DNM1L: variants seen among roughly 807,000 people sequenced by gnomAD.
DNM1L encodes dynamin 1L, also known as dynamin-1-like protein.
DNM1L carries 33 observed loss-of-function variants against 92.8 expected under a neutral mutation model. The observed-to-expected ratio is 0.36, with a 90% CI of 0.27 to 0.48. The LOEUF (loss-of-function observed/expected upper bound fraction) is 0.48, where lower values mean the gene tolerates loss of function less well. DNM1L is among the 20% of genes least tolerant of loss of function. The pLI is 0.99. For missense variants in DNM1L, 485 were observed against 888.8 expected (o/e 0.55, Z 5.78); for synonymous variants, 284 against 305.0 (o/e 0.93, Z 0.72).
At chr12:32,720,281 G>A (rs1215887678) in intron 7 of DNM1L, among the ~76,000 whole-genome samples, 1 of 152,106 alleles carries the variant, frequency 6.6e-6, no homozygotes, top group Non-Finnish European at 1.5e-5. Flanking sequence ...GGAGAAATTA[G>A]TTCCCTGTCC....
intron 1 of DNM1L, among the ~76,000 whole-genome samples, chr12:32,690,536 A>G (rs1362338249): frequency 6.6e-6 from 1 of 152,162 alleles, no homozygotes; most frequent in Non-Finnish European, 1.5e-5. Flanking sequence ...AATATTTCCT[A>G]CTTCTACATC....
Position 32,711,989 on chromosome 12 carries a change from C to T in DNM1L, c.456+974C>T, listed in dbSNP as rs1329997171. Among the ~76,000 whole-genome samples, 6 of 152,156 alleles carry T rather than the reference C, an allele frequency of 3.9e-5. No homozygotes were observed. The East Asian group carries it at 1.2e-3, about 29-fold the overall frequency. On this transcript the variant is annotated intron_variant, in intron 5 of 19. Coordinates refer to ENST00000549701, the MANE Select transcript of DNM1L (RefSeq NM_012062.5). ...ACATTCCACTTCCTGCCAGCAAATC[C>T]TCTTGGCTCTTCCTACCTTTACAGT...
intron 6 of DNM1L, among the ~76,000 whole-genome samples, chr12:32,717,500 T>C (rs1953513750): frequency 8.7e-6 from 1 of 114,498 alleles, no homozygotes; most frequent in Non-Finnish European, 1.7e-5. Context: ...ATAGTATATA[T>C]ATATATTTTA....
At chr12:32,737,242 A>G in intron 14 of DNM1L, 81 bp downstream of exon 14, 1 of 1,473,186 alleles carries the variant, frequency 6.8e-7, no homozygotes. Context: ...TCCTAGGAGT[A>G]ATTTTTTCTT....
chr12:32,737,004 T>C, intron 13 of DNM1L, 101 bp from the exon 14 acceptor site: 2 of 1,110,518 alleles, frequency 1.8e-6, no homozygotes, highest in Non-Finnish European at 2.7e-6. Context: ...AGAGGATGTA[T>C]CTGTAAGTTA....
In DNM1L at chr12:32,742,888, CTTTTT is replaced by C. The variant is rs36039451; in HGVS notation, c.2154+161_2154+165del. On this transcript the variant is annotated intron_variant, in intron 19 of 19. Coordinates refer to ENST00000549701, the MANE Select transcript of DNM1L (RefSeq NM_012062.5). ...TTTCCTGTTGGTACTTGATAAGAAT[CTTTTT>C]TTTTTTTTTTTTTTTTTTTTGAGTG... 9.5e-3 allele frequency: 2,349 copies of C among 246,160 alleles called. 2 individuals are homozygous for C. The highest frequency in any genetic ancestry group is 0.02 in the South Asian group (678 of 34,498). 15.2% of individuals were successfully genotyped at this position (246,160 alleles called of 1,614,324 possible).
At chr12:32,699,311 TAAA>T (rs66883686) in intron 1 of DNM1L, among the ~76,000 whole-genome samples, 21,455 of 152,000 alleles carry the variant, frequency 0.14, 1,538 homozygotes, top group Middle Eastern at 0.19. Context: ...AATTTCAAAA[TAAA>T]AAGTTGGAAA....
At chr12:32,695,607 CA>C (rs1385491214) in intron 1 of DNM1L, among the ~76,000 whole-genome samples, 1 of 151,702 alleles carries the variant, frequency 6.6e-6, no homozygotes, top group African/African-American at 2.4e-5. Flanking sequence ...CCTGTCTCTA[CA>C]AAAAATAGAA....
chr12:32,698,780 A>T (rs1229341917), intron 1 of DNM1L, among the ~76,000 whole-genome samples: 1 of 152,178 alleles, frequency 6.6e-6, no homozygotes, highest in African/African-American at 2.4e-5. Flanking sequence ...ATAGTACTTG[A>T]TTATTTATCG....
At chr12:32,736,039 C>T (rs1387127538) in intron 13 of DNM1L, among the ~76,000 whole-genome samples, 1 of 148,972 alleles carries the variant, frequency 6.7e-6, no homozygotes, top group Non-Finnish European at 1.5e-5. Context: ...CATTAATTAA[C>T]ATCTACAGAT....
intron 7 of DNM1L, 76 bp from the exon 8 acceptor site, chr12:32,720,588 C>T: frequency 6.3e-7 from 1 of 1,593,222 alleles, no homozygotes; most frequent in Admixed American, 1.7e-5. Context: ...GAGAACAATG[C>T]CTGGTGCTGT....
intron 9 of DNM1L, chr12:32,727,495 G>A (rs1954226557): frequency 1.7e-6 from 1 of 574,948 alleles, no homozygotes; most frequent in African/African-American, 1.9e-5. Flanking sequence ...GCAAGCAGAT[G>A]GCGCTAAAAA....
At chr12:32,742,396 G>A (rs1300990464) in intron 18 of DNM1L, among the ~76,000 whole-genome samples, 193 bp from the exon 19 acceptor site, 1 of 152,224 alleles carries the variant, frequency 6.6e-6, no homozygotes, top group East Asian at 1.9e-4. Flanking sequence ...GAGCCACTGC[G>A]CCTGGCCGAG....
rs58142640 is a variant in DNM1L at position 32,679,305 on chromosome 12, G to A, written c.-59G>A. ...AGAGGAGGAAGGAGGCGAACTGTGG[G>A]CCCCGGCCCCATTCATTGCCGTGGC... On this transcript the variant is annotated 5_prime_UTR_variant, in exon 1 of 20. Coordinates refer to ENST00000549701, the MANE Select transcript of DNM1L (RefSeq NM_012062.5). 1 of 1,221,622 alleles carries A rather than the reference G, an allele frequency of 8.2e-7. No homozygotes were observed. 75.7% of individuals were successfully genotyped at this position (1,221,622 alleles called of 1,614,324 possible).
At chr12:32,742,100 T>C (rs552920774) in intron 18 of DNM1L, among the ~76,000 whole-genome samples, 1 of 152,202 alleles carries the variant, frequency 6.6e-6, no homozygotes, top group East Asian at 1.9e-4. Flanking sequence ...GTATCAAGAA[T>C]TGTTGCTTTT....
chr12:32,742,839 G>T, intron 19 of DNM1L, 91 bp downstream of exon 19: 2 of 1,157,476 alleles, frequency 1.7e-6, no homozygotes, highest in Non-Finnish European at 2.5e-6. Context: ...GATATGTATA[G>T]TCTTTATATT....
chr12:32,738,884 T>C (rs1486751428), intron 16 of DNM1L, among the ~76,000 whole-genome samples: 3 of 152,194 alleles, frequency 2.0e-5, no homozygotes, highest in African/African-American at 7.2e-5. Context: ...GATTTAAAGT[T>C]CTGAACTTCA....
intron 1 of DNM1L, among the ~76,000 whole-genome samples, chr12:32,698,677 G>T (rs1324165621): frequency 6.6e-6 from 1 of 150,868 alleles, no homozygotes; most frequent in Non-Finnish European, 1.5e-5. Flanking sequence ...AAAAAATAGA[G>T]TACAGAATAT....
intron 3 of DNM1L, 108 bp downstream of exon 3, chr12:32,707,521 CTA>C: frequency 1.6e-5 from 12 of 729,666 alleles, no homozygotes; most frequent in Non-Finnish European, 2.6e-5. Context: ...TTTAAAGTAA[CTA>C]TAACTATTCC....
Sources: gnomAD v4.1 joint callset for allele counts (sites outside exome capture counted in the v4.1 genomes callset) on GRCh38, gnomAD v4.1.1 for gene constraint, MANE v1.5 for transcripts, NCBI Gene and HGNC (gene_info 2026-07-23, HGNC 2026-07-21) for gene names.